MFHAS1: variants seen among roughly 807,000 people sequenced by gnomAD.
MFHAS1 encodes the protein malignant fibrous histiocytoma-amplified sequence 1.
Under a neutral mutation model 70.4 loss-of-function variants are expected in MFHAS1, and 50 were observed. The ratio of observed to expected loss-of-function variants is 0.71; its 90% CI spans 0.57 to 0.90. MFHAS1 has a LOEUF of 0.90. Ranked by LOEUF, MFHAS1 falls within the 40% of genes least tolerant of loss-of-function variation. The pLI, the probability that MFHAS1 is intolerant of heterozygous loss-of-function variation, is 0.00. For missense variants in MFHAS1, 1,795 were observed against 1,347.6 expected, an observed-to-expected ratio of 1.33 and a Z score of -5.20; for synonymous variants, 952 against 620.0, an observed-to-expected ratio of 1.54 and a Z score of -7.96.
intron 1 of MFHAS1, among the ~76,000 whole-genome samples, chr8:8,873,902 C>G (rs1809187684): frequency 1.3e-5 from 2 of 152,202 alleles, no homozygotes; most frequent in Admixed American, 6.5e-5. Context: ...TAAACATGTA[C>G]AATTTGTAAT....
At position 8,890,116 on chromosome 8, in the gene MFHAS1, G is replaced by A. The variant is rs761284057; in HGVS notation, c.2943C>T (p.His981=). Residue 981 remains histidine (H), a synonymous_variant, in exon 1 of 3, where the codon CAC becomes CAT. Transcript: ENST00000276282. ...QEWPGLHYTV[H]ILCSKCLKRG... The stretch of plus-strand genomic sequence containing the variant: ...TCTTAAGGCACTTAGAACAGAGAAT[G>A]TGCACGGTGTAGTGCAGTCCAGGCC... The A allele has an allele frequency of 4.3e-6, 7 of 1,613,826 alleles. No homozygotes were observed. The highest frequency in any genetic ancestry group is 4.5e-5 in the East Asian group (2 of 44,896).
chr8:8,840,461 C>CAAA (rs141909980), intron 1 of MFHAS1, among the ~76,000 whole-genome samples: 237 of 81,914 alleles, frequency 2.9e-3, no homozygotes, highest in African/African-American at 3.3e-3. Flanking sequence ...CATCTCAATA[C>CAAA]AAAAAAAAAA....
rs764034731 is a variant in MFHAS1 at position 8,785,773 on chromosome 8, G to A, written c.*249C>T. Reference sequence around the variant, plus strand: ...TTTTTTTCTTTTCTTCAAGTAGCGCGCTCCTTGGAGGATCACAGTTCTGAG... The same window carrying A: ...TTTTTTTCTTTTCTTCAAGTAGCGCACTCCTTGGAGGATCACAGTTCTGAG... On this transcript the variant is annotated 3_prime_UTR_variant, in exon 3 of 3. Coordinates refer to ENST00000276282, the MANE Select transcript of MFHAS1 (RefSeq NM_004225.3). 1.9e-4 allele frequency: 70 copies of A among 378,084 alleles called. 1 individual carries two copies. Among genetic ancestry groups the A allele is most frequent in the African/African-American group, 1.3e-4 (6 of 47,066 alleles). 23.4% of individuals were successfully genotyped at this position (378,084 alleles called of 1,614,324 possible).
At chr8:8,868,351 C>T (rs1808940958) in intron 1 of MFHAS1, among the ~76,000 whole-genome samples, 1 of 150,266 alleles carries the variant, frequency 6.7e-6, no homozygotes, top group South Asian at 2.2e-4. Flanking sequence ...ATTATTCTTG[C>T]AAAGATGCAA....
intron 1 of MFHAS1, among the ~76,000 whole-genome samples, chr8:8,812,257 A>AT (rs546521178): frequency 1.7e-4 from 26 of 152,248 alleles, no homozygotes; most frequent in Non-Finnish European, 3.1e-4. Context: ...ACGAAGAATC[A>AT]TTTAGTGGTT....
At chr8:8,843,462 T>A (rs1011908034) in intron 1 of MFHAS1, among the ~76,000 whole-genome samples, 2 of 152,144 alleles carry the variant, frequency 1.3e-5, no homozygotes, top group Non-Finnish European at 2.9e-5. Flanking sequence ...GCACCTTTAG[T>A]CCCAGCTACT....
chr8:8,876,507 G>C (rs532955182), intron 1 of MFHAS1, among the ~76,000 whole-genome samples: 114 of 152,072 alleles, frequency 7.5e-4, no homozygotes, highest in African/African-American at 2.5e-3. Context: ...GGATGAGGCA[G>C]GCAGACTGCC....
intron 1 of MFHAS1, among the ~76,000 whole-genome samples, chr8:8,882,386 C>G (rs1809562876): frequency 6.6e-6 from 1 of 151,118 alleles, no homozygotes; most frequent in Admixed American, 6.6e-5. Flanking sequence ...GAGACTCAGT[C>G]TCAAAACAAA....
intron 1 of MFHAS1, among the ~76,000 whole-genome samples, chr8:8,828,525 C>A (rs948903353): frequency 6.6e-6 from 1 of 152,176 alleles, no homozygotes; most frequent in Non-Finnish European, 1.5e-5. Flanking sequence ...GGGCCCTAGT[C>A]CACATTGCTC....
chr8:8,867,385 C>T (rs1364451146), intron 1 of MFHAS1, among the ~76,000 whole-genome samples: 1 of 152,042 alleles, frequency 6.6e-6, no homozygotes, highest in Non-Finnish European at 1.5e-5. Context: ...CTAAAACAGT[C>T]CAAAATTAAA....
At chr8:8,852,732 T>C (rs1262173299) in intron 1 of MFHAS1, among the ~76,000 whole-genome samples, 1 of 152,174 alleles carries the variant, frequency 6.6e-6, no homozygotes, top group Non-Finnish European at 1.5e-5. Context: ...TTTCTATTTT[T>C]GCCTTCCCTA....
intron 1 of MFHAS1, among the ~76,000 whole-genome samples, chr8:8,817,038 C>T (rs1427136547): frequency 6.6e-6 from 1 of 152,186 alleles, no homozygotes; most frequent in Non-Finnish European, 1.5e-5. Flanking sequence ...CTATCCCCCT[C>T]GAAATGTCAA....
chr8:8,787,414 A>G (rs997469303), intron 2 of MFHAS1, among the ~76,000 whole-genome samples: 1 of 152,272 alleles, frequency 6.6e-6, no homozygotes, highest in East Asian at 1.9e-4. Context: ...TAAGGTTCCA[A>G]AAGATGAAAT....
In MFHAS1 at chr8:8,891,583, C is replaced by A. The variant is rs529772352; in HGVS notation, c.1476G>T (p.Leu492=). Residue 492 remains leucine (L), a synonymous_variant, in exon 1 of 3, where the codon CTG becomes CTT. Transcript: ENST00000276282. This position sits in a 1 kb window ranked among gnomAD's most constrained non-coding sequence, Gnocchi z 5.4. The stretch of plus-strand genomic sequence containing the variant: ...CCAGCACGTATAGGGCCCCTGGGGA[C>A]AGGAAGAAGGGCTGGATCACCTCAT... The part of the protein sequence containing the change: ...ESYEVIQPFF[L]SPGALYVLVV... 8 of 1,613,334 alleles carry A rather than the reference C, an allele frequency of 5.0e-6. No homozygotes were observed. The East Asian group carries it at 1.1e-4, about 22-fold the overall frequency.
chr8:8,875,062 C>T (rs1214901083), intron 1 of MFHAS1, among the ~76,000 whole-genome samples: 1 of 152,118 alleles, frequency 6.6e-6, no homozygotes, highest in African/African-American at 2.4e-5. Flanking sequence ...TTCCATTAAA[C>T]GGTAGTGCAT....
At chr8:8,812,125 T>A (rs1404094065) in intron 1 of MFHAS1, among the ~76,000 whole-genome samples, 1 of 151,984 alleles carries the variant, frequency 6.6e-6, no homozygotes, top group Non-Finnish European at 1.5e-5. Flanking sequence ...TGCCAACCTC[T>A]TAGAATATTT....
intron 2 of MFHAS1, among the ~76,000 whole-genome samples, chr8:8,788,869 G>C (rs904595387): frequency 2.0e-5 from 3 of 152,124 alleles, no homozygotes; most frequent in African/African-American, 7.2e-5. Flanking sequence ...GCCCACCACG[G>C]CTGACCTCCC....
chr8:8,787,103 CAG>C (rs1226138825), intron 2 of MFHAS1, among the ~76,000 whole-genome samples: 4 of 144,746 alleles, frequency 2.8e-5, no homozygotes, highest in African/African-American at 1.1e-4. Flanking sequence ...TTTTTTGAGA[CAG>C]AGTCTCGCTC....
chr8:8,815,961 T>TCAATAG (rs1806726136), intron 1 of MFHAS1, among the ~76,000 whole-genome samples: 2 of 152,198 alleles, frequency 1.3e-5, no homozygotes, highest in African/African-American at 2.4e-5. Context: ...TACAATAGAC[T>TCAATAG]ACTATCTAGG....
Sources: gnomAD v4.1 joint callset for allele counts (sites outside exome capture counted in the v4.1 genomes callset) on GRCh38, gnomAD v4.1.1 for gene constraint, Gnocchi (gnomAD v3.1) non-coding constraint, MANE v1.5 for transcripts, NCBI Gene and HGNC (gene_info 2026-07-23, HGNC 2026-07-21) for gene names.